The following MAP7 variants were observed in gnomAD, a reference collection of about 807,000 sequenced individuals.
MAP7 encodes the protein microtubule associated protein 7.
A neutral mutation model predicts 94.8 loss-of-function variants in MAP7; 52 were observed. That is an observed-to-expected ratio of 0.55 (90% CI 0.44 to 0.69). The LOEUF (loss-of-function observed/expected upper bound fraction) is 0.69. Among genes scored for constraint, MAP7 ranks in the 30% least tolerant of loss-of-function variants. The pLI, the probability that MAP7 is intolerant of heterozygous loss-of-function variation, is 0.00. For synonymous variants in MAP7, 350 were observed against 357.0 expected (o/e 0.98, Z 0.22); for missense variants, 940 against 964.6 (o/e 0.97, Z 0.34).
chr6:136,465,418 T>C (rs1473176140), intron 1 of MAP7, among the ~76,000 whole-genome samples: 3 of 152,198 alleles, frequency 2.0e-5, no homozygotes, highest in African/African-American at 7.2e-5. Context: ...ATTCAGTGCT[T>C]ATGCATCAAC....
In MAP7 at chr6:136,416,961, T is replaced by TA. The variant is rs991259706; in HGVS notation, c.166+4739dup. On this transcript the variant is annotated intron_variant, in intron 2 of 17. Coordinates refer to ENST00000354570, the MANE Select transcript of MAP7 (RefSeq NM_003980.6). The stretch of plus-strand genomic sequence containing the variant: ...AGGGAGACCTCATCTCCACCAAAAA[T>TA]AAAAAAAATTAGCCAAGAGTGATGG... Among the ~76,000 whole-genome samples, 7 of 151,324 alleles carry TA rather than the reference T, an allele frequency of 4.6e-5. No homozygotes were observed. In the South Asian group the frequency reaches 1.5e-3, roughly 32 times the overall value.
chr6:136,443,873 C>T lies in MAP7; in HGVS notation c.68-22074G>A, dbSNP rs371948190. ...AGAGAATGCACTGCTCCTGTAGAAG[C>T]GCCCCTTGAGAGCAACACAAAAAAT... On this transcript the variant is annotated intron_variant, in intron 1 of 17. Coordinates refer to ENST00000354570, the MANE Select transcript of MAP7 (RefSeq NM_003980.6). Among the ~76,000 whole-genome samples the T allele has an allele frequency of 2.0e-5, 3 of 152,260 alleles. No homozygotes were observed. The East Asian group carries it at 5.8e-4, about 29-fold the overall frequency.
intron 3 of MAP7, among the ~76,000 whole-genome samples, chr6:136,409,245 T>A (rs1375821238): frequency 6.6e-6 from 1 of 152,034 alleles, no homozygotes; most frequent in East Asian, 1.9e-4. Flanking sequence ...AAATGCCAGG[T>A]GTGGTGACGT....
At chr6:136,489,378 G>C (rs9494525) in intron 1 of MAP7, among the ~76,000 whole-genome samples, 40,761 of 151,718 alleles carry the variant, frequency 0.27, 7,022 homozygotes, top group African/African-American at 0.48. Context: ...CTTTTATCCC[G>C]AACATTAATG....
At chr6:136,538,905 G>C (rs1829097178) in intron 1 of MAP7, among the ~76,000 whole-genome samples, 1 of 151,660 alleles carries the variant, frequency 6.6e-6, no homozygotes, top group African/African-American at 2.4e-5. Context: ...CAACCTCCTG[G>C]AACATTTGAC....
At chr6:136,456,822 G>GAAAGAA (rs1554259490) in intron 1 of MAP7, among the ~76,000 whole-genome samples, 4 of 69,022 alleles carry the variant, frequency 5.8e-5, no homozygotes, top group African/African-American at 2.5e-4. Context: ...AGAAGAAGAA[G>GAAAGAA]GAAGAAGAAG....
At chr6:136,373,880 C>T (rs1582712037) in intron 7 of MAP7, among the ~76,000 whole-genome samples, 1 of 152,208 alleles carries the variant, frequency 6.6e-6, no homozygotes, top group East Asian at 1.9e-4. Flanking sequence ...GTTTAATTTA[C>T]AGACAGAAAG....
At position 136,550,238 on chromosome 6, in the gene MAP7, C is replaced by G. The variant is rs1830045505; in HGVS notation, c.67+104G>C. ...TTGTTCCGGGCCGCGGCCGCGCGGG[C>G]GGGGAGGGGGCTGCCGGCGCCGGGT... On this transcript the variant is annotated intron_variant, in intron 1 of 17. Coordinates refer to ENST00000354570, the MANE Select transcript of MAP7 (RefSeq NM_003980.6). This position sits in a 1 kb window ranked among gnomAD's most constrained non-coding sequence, Gnocchi z 5.1. 9.7e-7 allele frequency: 1 copy of G among 1,030,826 alleles called. No homozygotes were observed. The highest frequency in any genetic ancestry group is 1.7e-5 in the African/African-American group (1 of 58,632). The allele number at this position is 1,030,826 out of a possible 1,614,324, so 63.9% of individuals were successfully genotyped here. A position where few individuals can be genotyped will look rare whatever the true frequency, so the allele number is the denominator to read the frequency against.
intron 1 of MAP7, among the ~76,000 whole-genome samples, chr6:136,532,291 A>G (rs1444863733): frequency 1.3e-5 from 2 of 152,220 alleles, no homozygotes; most frequent in African/African-American, 4.8e-5. Flanking sequence ...TACTCGCAAG[A>G]TATTTGAAAT....
chr6:136,459,293 T>C (rs953475567), intron 1 of MAP7, among the ~76,000 whole-genome samples: 3 of 152,066 alleles, frequency 2.0e-5, no homozygotes, highest in Non-Finnish European at 4.4e-5. Flanking sequence ...ACTGGTACCC[T>C]TGTACACTGT....
intron 6 of MAP7, among the ~76,000 whole-genome samples, chr6:136,379,738 A>G (rs1777211445): frequency 6.6e-6 from 1 of 152,246 alleles, no homozygotes; most frequent in South Asian, 2.1e-4. Context: ...TAAGAAGTTC[A>G]GTTACTTTAT....
intron 15 of MAP7, among the ~76,000 whole-genome samples, chr6:136,357,342 T>C (rs1178557667): frequency 6.6e-6 from 1 of 152,242 alleles, no homozygotes; most frequent in African/African-American, 2.4e-5. Flanking sequence ...CAGCCCACTT[T>C]AAGCTGACAA....
At chr6:136,437,858 A>C (rs1796787112) in intron 1 of MAP7, among the ~76,000 whole-genome samples, 1 of 152,212 alleles carries the variant, frequency 6.6e-6, no homozygotes, top group Admixed American at 6.5e-5. Context: ...CAATGTTCAA[A>C]ATGTTGGTTA....
At chr6:136,396,468 G>T (rs1343158432) in intron 3 of MAP7, among the ~76,000 whole-genome samples, 1 of 151,934 alleles carries the variant, frequency 6.6e-6, no homozygotes, top group Non-Finnish European at 1.5e-5. Context: ...GCTTTTAGGG[G>T]TTTTTATATA....
At chr6:136,460,377 T>C (rs763907399) in intron 1 of MAP7, among the ~76,000 whole-genome samples, 1 of 152,190 alleles carries the variant, frequency 6.6e-6, no homozygotes, top group Non-Finnish European at 1.5e-5. Flanking sequence ...CTTTTTGTTT[T>C]TGCCAAAATT....
chr6:136,459,903 T>C (rs1278410286), intron 1 of MAP7, among the ~76,000 whole-genome samples: 3 of 152,168 alleles, frequency 2.0e-5, no homozygotes, highest in Non-Finnish European at 4.4e-5. Flanking sequence ...GTCAAGTATT[T>C]TTACCACAAT....
intron 17 of MAP7, among the ~76,000 whole-genome samples, chr6:136,345,026 C>T (rs1018395052): frequency 4.6e-5 from 7 of 152,210 alleles, no homozygotes; most frequent in African/African-American, 1.4e-4. Context: ...TGACAGTCAT[C>T]TTCAGGGAAG....
At chr6:136,469,210 C>T (rs748865499) in intron 1 of MAP7, among the ~76,000 whole-genome samples, 1 of 152,190 alleles carries the variant, frequency 6.6e-6, no homozygotes, top group Non-Finnish European at 1.5e-5. Context: ...TAAATCCACA[C>T]ATCATTCTTG....
In MAP7 at chr6:136,360,986, G is replaced by A. The variant is rs1562310374; in HGVS notation, c.1701+19C>T. The A allele has an allele frequency of 1.3e-6, 2 of 1,560,746 alleles. No individual in the cohort carries two copies. The highest frequency in any genetic ancestry group is 1.7e-6 in the Non-Finnish European group (2 of 1,161,548). ...CCCTGCGGGACTGGGGCCGGGGCCA[G>A]GGTGGGGTGCGGCCGCACCTGCCTC... On this transcript the variant is annotated intron_variant, in intron 12 of 17. Coordinates refer to ENST00000354570, the MANE Select transcript of MAP7 (RefSeq NM_003980.6).
Sources: gnomAD v4.1 joint callset for allele counts (sites outside exome capture counted in the v4.1 genomes callset) on GRCh38, gnomAD v4.1.1 for gene constraint, Gnocchi (gnomAD v3.1) non-coding constraint, MANE v1.5 for transcripts, NCBI Gene and HGNC (gene_info 2026-07-23, HGNC 2026-07-21) for gene names.